Variants in APP observed in about 807,000 individuals in gnomAD.
APP encodes amyloid beta precursor protein.
Under a neutral mutation model 101.4 loss-of-function variants are expected in APP, and 31 were observed. That is an observed-to-expected ratio of 0.31 (90% CI 0.23 to 0.41). APP has a LOEUF of 0.41. Among genes scored for constraint, APP ranks in the 10% least tolerant of loss-of-function variants. The probability of loss-of-function intolerance (pLI) is 1.00; values close to 1 mark genes in which losing one functional copy is unlikely to be tolerated. For missense variants in APP, 839 were observed against 1,003.7 expected (o/e 0.84, Z 2.22); for synonymous variants, 366 against 364.4 (o/e 1.00, Z -0.05).
chr21:25,964,020 T>A (rs762378574), intron 11 of APP, among the ~76,000 whole-genome samples: 1 of 152,220 alleles, frequency 6.6e-6, no homozygotes, highest in Non-Finnish European at 1.5e-5. Flanking sequence ...TTTCTTAAGT[T>A]TTAACAATAT....
chr21:26,138,599 G>A (rs1249559790), intron 1 of APP, among the ~76,000 whole-genome samples: 8 of 151,864 alleles, frequency 5.3e-5, no homozygotes, highest in African/African-American at 1.5e-4. Context: ...AGGCTGAGGC[G>A]GGAGGATCGC....
At chr21:26,050,837 A>T (rs2045806535) in intron 5 of APP, among the ~76,000 whole-genome samples, 163 bp downstream of exon 5, 1 of 152,226 alleles carries the variant, frequency 6.6e-6, no homozygotes, top group African/African-American at 2.4e-5. Context: ...ATTCAACAGG[A>T]TGCCATAAAA....
intron 11 of APP, among the ~76,000 whole-genome samples, chr21:25,958,138 G>A (rs895536508): frequency 1.1e-4 from 16 of 152,102 alleles, no homozygotes; most frequent in Admixed American, 3.3e-4. Flanking sequence ...AGGATGCCAT[G>A]GCCCCAGGCT....
chr21:26,156,793 G>T (rs2063383328), intron 1 of APP, among the ~76,000 whole-genome samples: 1 of 151,970 alleles, frequency 6.6e-6, no homozygotes, highest in African/African-American at 2.4e-5. Context: ...AATTAAAGGA[G>T]ATTTATTTAA....
intron 6 of APP, among the ~76,000 whole-genome samples, chr21:26,001,003 A>G (rs2043270328): frequency 6.6e-6 from 1 of 152,038 alleles, no homozygotes; most frequent in African/African-American, 2.4e-5. Flanking sequence ...AAGTACAACT[A>G]TAACAATGTA....
Position 26,170,632 on chromosome 21 carries a change from G to A in APP, c.-12C>T, listed in dbSNP as rs1445959431. 2.6e-6 allele frequency: 4 copies of A among 1,533,340 alleles called. No individual in the cohort carries two copies. The East Asian group carries it at 9.9e-5, about 38-fold the overall frequency. 95.0% of individuals were successfully genotyped at this position (1,533,340 alleles called of 1,614,324 possible). On this transcript the variant is annotated 5_prime_UTR_variant, in exon 1 of 18. Transcript: ENST00000346798. The stretch of plus-strand genomic sequence containing the variant: ...AAACCGGGCAGCATCGCGACCCTGC[G>A]CGGGGCACCGAGTGCGCTGCTGTGC...
intron 15 of APP, among the ~76,000 whole-genome samples, chr21:25,901,924 G>A (rs1053665844): frequency 1.3e-5 from 2 of 152,060 alleles, no homozygotes; most frequent in African/African-American, 4.8e-5. Flanking sequence ...TATGTGAAGA[G>A]CTCGCTAATG....
intron 13 of APP, among the ~76,000 whole-genome samples, chr21:25,952,743 A>AAAGCAAAC (rs112352871): frequency 2.6e-5 from 4 of 151,558 alleles, no homozygotes; most frequent in African/African-American, 9.8e-5. Flanking sequence ...ATAGCTGTAA[A>AAAGCAAAC]AAACAAACAA....
chr21:26,158,581 T>C (rs532191057), intron 1 of APP, among the ~76,000 whole-genome samples: 37 of 152,176 alleles, frequency 2.4e-4, no homozygotes, highest in Non-Finnish European at 3.7e-4. Flanking sequence ...TAAACCTAAC[T>C]GAACCATGAA....
chr21:26,145,588 G>C (rs530160086), intron 1 of APP, among the ~76,000 whole-genome samples: 1 of 152,136 alleles, frequency 6.6e-6, no homozygotes, highest in South Asian at 2.1e-4. Context: ...TGGGTGTTGG[G>C]GACCCCTGCT....
intron 1 of APP, among the ~76,000 whole-genome samples, chr21:26,128,711 T>C (rs1057029968): frequency 3.3e-5 from 5 of 152,060 alleles, no homozygotes; most frequent in Admixed American, 6.6e-5. Context: ...AGATGGATAC[T>C]GGAGGCTTTT....
At chr21:26,053,396 GTTC>G in intron 3 of APP, 48 bp from the exon 4 acceptor site, 1 of 1,317,578 alleles carries the variant, frequency 7.6e-7, no homozygotes, top group Non-Finnish European at 1.1e-6. Flanking sequence ...GTATCACAGT[GTTC>G]TTACCGCAGA....
chr21:26,053,102 G>T, intron 4 of APP, 134 bp downstream of exon 4: 1 of 766,530 alleles, frequency 1.3e-6, no homozygotes, highest in East Asian at 2.5e-5. Context: ...TCTGGGTTAC[G>T]GATAGTAGCA....
intron 17 of APP, among the ~76,000 whole-genome samples, chr21:25,882,975 A>G (rs978838886): frequency 2.6e-5 from 4 of 152,168 alleles, no homozygotes; most frequent in Non-Finnish European, 5.9e-5. Context: ...GAGCCTACAC[A>G]GCAATGCCCC....
intron 3 of APP, among the ~76,000 whole-genome samples, chr21:26,062,728 C>G (rs916415702): frequency 6.0e-5 from 9 of 150,420 alleles, no homozygotes; most frequent in African/African-American, 2.2e-4. Flanking sequence ...TAAAAAGATC[C>G]ATATAGGTGT....
chr21:26,168,873 G>A (rs1197941112), intron 1 of APP, among the ~76,000 whole-genome samples: 2 of 152,146 alleles, frequency 1.3e-5, no homozygotes, highest in Non-Finnish European at 2.9e-5. Flanking sequence ...AGAGAAAAAA[G>A]TTCAATGACC....
chr21:26,050,967 C>T (rs765541032), intron 5 of APP, 33 bp downstream of exon 5: 37 of 1,609,750 alleles, frequency 2.3e-5, no homozygotes, highest in Middle Eastern at 1.7e-4. Context: ...GATGTTTCAG[C>T]ATCTCTGAGG....
chr21:25,915,282 A>G (rs547407886), intron 13 of APP, among the ~76,000 whole-genome samples: 370 of 152,272 alleles, frequency 2.4e-3, no homozygotes, highest in Non-Finnish European at 3.9e-3. Flanking sequence ...CATCTACGTT[A>G]TTTGAACTCT....
chr21:25,965,305 A>G (rs895262065), intron 11 of APP, among the ~76,000 whole-genome samples: 4 of 152,220 alleles, frequency 2.6e-5, no homozygotes, highest in African/African-American at 9.6e-5. Flanking sequence ...AGATTTGTCA[A>G]ACGGTCTGAT....
Sources: allele counts gnomAD v4.1 joint callset (sites outside exome capture counted in the v4.1 genomes callset), GRCh38; gene constraint gnomAD v4.1.1; transcripts MANE v1.5; gene names NCBI Gene and HGNC (gene_info 2026-07-23, HGNC 2026-07-21).